NUP62CL: variants seen among roughly 807,000 people sequenced by gnomAD.
NUP62CL encodes nucleoporin 62 C-terminal like.
A neutral mutation model predicts 15.3 loss-of-function variants in NUP62CL; 13 were observed. The ratio of observed to expected loss-of-function variants is 0.85; its 90% CI spans 0.55 to 1.35. The LOEUF (loss-of-function observed/expected upper bound fraction) is 1.35. Ranked by LOEUF, NUP62CL falls within the 40% of genes most tolerant of loss-of-function variation. The pLI is 0.00. For missense variants in NUP62CL, 123 were observed against 130.6 expected (o/e 0.94, Z 0.28); for synonymous variants, 54 against 49.2 (o/e 1.10, Z -0.41).
intron 8 of NUP62CL, among the ~76,000 whole-genome samples, chrX:107,140,772 C>T (rs1346846138): frequency 8.9e-6 from 1 of 112,083 alleles, no homozygotes; most frequent in African/African-American, 3.2e-5. Context: ...TCCCTTCAAA[C>T]ACTGAAGTGC....
chrX:107,161,821 T>TA (rs1422113797), intron 4 of NUP62CL, among the ~76,000 whole-genome samples: 1 of 72,518 alleles, frequency 1.4e-5, no homozygotes, highest in African/African-American at 7.5e-5. Context: ...AAAAAAAATT[T>TA]AAAAAAAATG....
chrX:107,183,987 C>T (rs2147812503), intron 2 of NUP62CL, among the ~76,000 whole-genome samples: 1 of 110,493 alleles, frequency 9.1e-6, no homozygotes, highest in Non-Finnish European at 1.9e-5. Context: ...CCCACTCCAC[C>T]TAGCAGTAAC....
intron 8 of NUP62CL, chrX:107,132,402 T>C (rs752682039): frequency 8.7e-5 from 37 of 424,981 alleles, no homozygotes; most frequent in Non-Finnish European, 1.1e-4. Flanking sequence ...TACACACATA[T>C]CCAGTCATAA....
intron 8 of NUP62CL, among the ~76,000 whole-genome samples, chrX:107,133,281 C>T (rs1925562400): frequency 9.0e-6 from 1 of 111,092 alleles, no homozygotes; most frequent in African/African-American, 3.3e-5. Flanking sequence ...TGTTAAATGT[C>T]TATTTGATTA....
intron 4 of NUP62CL, among the ~76,000 whole-genome samples, chrX:107,156,705 C>T (rs1251477843): frequency 1.1e-5 from 1 of 94,841 alleles, no homozygotes; most frequent in Non-Finnish European, 2.1e-5. Flanking sequence ...AAACTGGAAA[C>T]TCTAAAACGC....
chrX:107,203,883 G>A (rs1213068166), intron 1 of NUP62CL, among the ~76,000 whole-genome samples: 1 of 110,748 alleles, frequency 9.0e-6, no homozygotes, highest in African/African-American at 3.3e-5. Flanking sequence ...TATTTAACCA[G>A]TGTTTTAAAA....
At chrX:107,144,178 C>A (rs1000525696) in intron 8 of NUP62CL, among the ~76,000 whole-genome samples, 1 of 111,843 alleles carries the variant, frequency 8.9e-6, no homozygotes, top group Non-Finnish European at 1.9e-5. Flanking sequence ...GAACTTTCCC[C>A]AGATACCTAG....
Position 107,164,332 on chromosome X carries a change from A to C in NUP62CL, c.194+3317T>G, listed in dbSNP as rs188088095. ...GAAATCACAATATAACATAATATGT[A>C]GGTCACAGTTAAGGAAGTGTTGAGT... On this transcript the variant is annotated intron_variant, in intron 4 of 8. Coordinates refer to ENST00000372466, the MANE Select transcript of NUP62CL (RefSeq NM_017681.3). Among the ~76,000 whole-genome samples the C allele has an allele frequency of 1.4e-3, 151 of 111,832 alleles. 1 individual carries two copies. The highest frequency in any genetic ancestry group is 2.4e-3 in the Non-Finnish European group (126 of 53,170).
chrX:107,136,843 G>A (rs1925650022), intron 8 of NUP62CL, among the ~76,000 whole-genome samples: 1 of 111,790 alleles, frequency 8.9e-6, no homozygotes, highest in Non-Finnish European at 1.9e-5. Flanking sequence ...GAGGTGGGTG[G>A]ATCACCAGAT....
intron 8 of NUP62CL, among the ~76,000 whole-genome samples, chrX:107,142,614 G>A (rs1260318246): frequency 8.9e-6 from 1 of 112,123 alleles, no homozygotes; most frequent in Non-Finnish European, 1.9e-5. Flanking sequence ...TTATTGGGGT[G>A]TTGGATAAAT....
chrX:107,156,543 A>G (rs1411863654), intron 4 of NUP62CL, among the ~76,000 whole-genome samples: 6 of 101,150 alleles, frequency 5.9e-5, no homozygotes, highest in African/African-American at 2.2e-4. Context: ...ACGGCAGGGT[A>G]TTCCAACAGA....
At chrX:107,179,953 C>T in intron 2 of NUP62CL, among the ~76,000 whole-genome samples, 1 of 92,502 alleles carries the variant, frequency 1.1e-5, no homozygotes, top group East Asian at 3.6e-4. Context: ...TTTATGTAGT[C>T]AAATCTTTCC....
chrX:107,166,127 C>T (rs1926511842), intron 4 of NUP62CL, among the ~76,000 whole-genome samples: 1 of 111,550 alleles, frequency 9.0e-6, no homozygotes, highest in South Asian at 3.7e-4. Flanking sequence ...AGCCAAGTTA[C>T]ACAGTTAAAG....
In NUP62CL at chrX:107,205,341, ACT is replaced by A. The variant is rs762088333; in HGVS notation, c.-92+930_-92+931del. Among the ~76,000 whole-genome samples, 4 of 112,393 alleles carry A rather than the reference ACT, an allele frequency of 3.6e-5. No homozygotes were observed. The East Asian group carries it at 8.4e-4, about 24-fold the overall frequency. Reference sequence around the variant, plus strand: ...AATTAGCAAAATGCAAGACAGCTAAACTCTGATCATTCACAGTAATAAGCGGA... The same window carrying A: ...AATTAGCAAAATGCAAGACAGCTAAACTGATCATTCACAGTAATAAGCGGA... On this transcript the variant is annotated intron_variant, in intron 1 of 8. Transcript: ENST00000372466.
At chrX:107,163,787 A>C (rs1011485182) in intron 4 of NUP62CL, among the ~76,000 whole-genome samples, 1 of 111,943 alleles carries the variant, frequency 8.9e-6, no homozygotes, top group Non-Finnish European at 1.9e-5. Context: ...GTGATAAAGG[A>C]ATCAAGGCAT....
At chrX:107,140,141 A>C (rs1398429816) in intron 8 of NUP62CL, among the ~76,000 whole-genome samples, 1 of 111,657 alleles carries the variant, frequency 9.0e-6, no homozygotes, top group Non-Finnish European at 1.9e-5. Flanking sequence ...CATTTCAAGG[A>C]AGAGTGTAAA....
chrX:107,192,356 C>T (rs1927264015), intron 2 of NUP62CL, among the ~76,000 whole-genome samples: 1 of 111,792 alleles, frequency 8.9e-6, no homozygotes, highest in Admixed American at 9.5e-5. Context: ...GGTAGACTAC[C>T]TTGGGAATAA....
intron 4 of NUP62CL, among the ~76,000 whole-genome samples, chrX:107,154,691 T>A (rs1926131866): frequency 9.0e-6 from 1 of 111,370 alleles, no homozygotes; most frequent in South Asian, 3.9e-4. Flanking sequence ...GGTAGAACCA[T>A]GCAGAACTCT....
intron 4 of NUP62CL, among the ~76,000 whole-genome samples, chrX:107,155,566 G>C (rs1261819148): frequency 8.9e-6 from 1 of 112,001 alleles, no homozygotes; most frequent in Admixed American, 9.4e-5. Flanking sequence ...CTGCCTTGAG[G>C]CAGCGTGGTA....
Sources: allele counts gnomAD v4.1 joint callset (sites outside exome capture counted in the v4.1 genomes callset), GRCh38; gene constraint gnomAD v4.1.1; transcripts MANE v1.5; gene names NCBI Gene and HGNC (gene_info 2026-07-23, HGNC 2026-07-21).